Variants in NGLY1 observed in about 807,000 individuals in gnomAD.
NGLY1 encodes the protein N-glycanase 1.
A neutral mutation model predicts 84.6 loss-of-function variants in NGLY1; 68 were observed. The ratio of observed to expected loss-of-function variants is 0.80; its 90% confidence interval spans 0.66 to 0.98. The LOEUF (loss-of-function observed/expected upper bound fraction) is 0.98. Among genes scored for constraint, NGLY1 ranks in the 50% least tolerant of loss-of-function variants. NGLY1 has a pLI of 0.00. For missense variants in NGLY1, 779 were observed against 770.2 expected, an observed-to-expected ratio of 1.01 and a Z score of -0.14; for synonymous variants, 280 against 275.2, an observed-to-expected ratio of 1.02 and a Z score of -0.17.
intron 2 of NGLY1, among the ~76,000 whole-genome samples, chr3:25,773,631 CT>C (rs993685673): frequency 6.6e-5 from 10 of 152,020 alleles, no homozygotes; most frequent in Non-Finnish European, 2.9e-5. Context: ...GAGATTTCTT[CT>C]TGGTTTGGAT....
chr3:25,774,036 C>A (rs1708027647), intron 2 of NGLY1, among the ~76,000 whole-genome samples: 1 of 152,174 alleles, frequency 6.6e-6, no homozygotes, highest in Non-Finnish European at 1.5e-5. Context: ...GTGAAGTGGA[C>A]TCTGTGTGGG....
intron 3 of NGLY1, among the ~76,000 whole-genome samples, chr3:25,756,803 G>T (rs187247310): frequency 7.5e-4 from 114 of 152,176 alleles, no homozygotes; most frequent in African/African-American, 2.7e-3. Flanking sequence ...TCCTCTAAAA[G>T]GCCAACAAAG....
chr3:25,758,810 A>G (rs1472590489), intron 3 of NGLY1, among the ~76,000 whole-genome samples: 2 of 152,196 alleles, frequency 1.3e-5, no homozygotes, highest in Non-Finnish European at 2.9e-5. Context: ...AGATGCAACA[A>G]TGAGTACTGG....
At chr3:25,772,196 T>C (rs988192687) in intron 2 of NGLY1, among the ~76,000 whole-genome samples, 1 of 152,212 alleles carries the variant, frequency 6.6e-6, no homozygotes, top group African/African-American at 2.4e-5. Flanking sequence ...CCTTAAGGTA[T>C]GTCCCTTCTA....
chr3:25,758,907 A>G (rs1028458364), intron 3 of NGLY1, among the ~76,000 whole-genome samples: 4 of 152,200 alleles, frequency 2.6e-5, no homozygotes, highest in African/African-American at 9.7e-5. Context: ...TTAAAGGTAA[A>G]GCTCTTAAAC....
At chr3:25,721,314 C>T (rs1425316014) in intron 10 of NGLY1, among the ~76,000 whole-genome samples, 1 of 152,168 alleles carries the variant, frequency 6.6e-6, no homozygotes, top group Admixed American at 6.5e-5. Flanking sequence ...TCCTGAGTTG[C>T]TGAGATTGTA....
In NGLY1 at chr3:25,751,235, A is replaced by C. The variant is rs1306695269; in HGVS notation, c.521T>G (p.Val174Gly). ...CACATGCTGAATGTTGGACTGAAGA[A>C]CTTCTAGAATGGCTGAGTCAGCAGC... ...TVAADSAILE[V>G]LQSNIQHVLV... The change falls in exon 4 of 12, where the codon GTT becomes GGT. Residue 174 changes from valine (V) to glycine (G), a missense_variant. Val to Gly is a moderately radical substitution (Grantham distance 109, BLOSUM62 -3). Coordinates refer to ENST00000280700, the MANE Select transcript of NGLY1 (RefSeq NM_018297.4). 1 of 1,595,932 alleles carries C rather than the reference A, an allele frequency of 6.3e-7. No individual in the cohort carries two copies. Among genetic ancestry groups the C allele is most frequent in the African/African-American group, 1.3e-5 (1 of 74,248 alleles).
intron 3 of NGLY1, among the ~76,000 whole-genome samples, chr3:25,762,612 A>G (rs987725925): frequency 6.6e-6 from 1 of 152,168 alleles, no homozygotes; most frequent in African/African-American, 2.4e-5. Flanking sequence ...CTGGTGACGG[A>G]CAGGATTTTA....
At chr3:25,724,724 A>G (rs1233794684) in intron 10 of NGLY1, among the ~76,000 whole-genome samples, 1 of 152,022 alleles carries the variant, frequency 6.6e-6, no homozygotes, top group Non-Finnish European at 1.5e-5. Context: ...GCTTTTGAAG[A>G]CACTATTTCT....
intron 3 of NGLY1, 137 bp downstream of exon 3, chr3:25,763,929 T>C (rs1707431585): frequency 9.0e-7 from 1 of 1,115,942 alleles, no homozygotes; most frequent in Non-Finnish European, 1.3e-6. Flanking sequence ...TGAAGAAATT[T>C]GGATGTTTTA....
chr3:25,776,727 C>T (rs1708170972), intron 2 of NGLY1, among the ~76,000 whole-genome samples: 2 of 152,174 alleles, frequency 1.3e-5, no homozygotes, highest in Admixed American at 6.5e-5. Context: ...AGGTAAGTCC[C>T]CGATTCCTTC....
chr3:25,737,301 C>T, intron 6 of NGLY1, 33 bp downstream of exon 6: 2 of 1,554,696 alleles, frequency 1.3e-6, no homozygotes, highest in Non-Finnish European at 1.7e-6. Flanking sequence ...CCTGCAAAGC[C>T]CTACTACCCT....
intron 4 of NGLY1, chr3:25,749,473 C>T (rs1706612771): frequency 5.7e-6 from 8 of 1,415,840 alleles, no homozygotes; most frequent in African/African-American, 1.4e-5. Flanking sequence ...TGGCAGCCAT[C>T]TCCTCTTCGG....
Position 25,718,998 on chromosome 3 carries a change from A to G in NGLY1, c.*462T>C, listed in dbSNP as rs1559524986. ...AATGCCTGAATATTTATAATCATATAAATTTTCATGCATTATATAATTTAT... is the reference window on the plus strand; with the variant it reads ...AATGCCTGAATATTTATAATCATATGAATTTTCATGCATTATATAATTTAT... On this transcript the variant is annotated 3_prime_UTR_variant, in exon 12 of 12. Coordinates refer to ENST00000280700, the MANE Select transcript of NGLY1 (RefSeq NM_018297.4). 1 of 152,264 alleles carries G rather than the reference A, an allele frequency of 6.6e-6. No individual in the cohort carries two copies. Among genetic ancestry groups the G allele is most frequent in the East Asian group, 1.9e-4 (1 of 5,202 alleles). 9.4% of individuals were successfully genotyped at this position (152,264 alleles called of 1,614,324 possible).
intron 2 of NGLY1, among the ~76,000 whole-genome samples, chr3:25,768,140 T>C (rs1489663479): frequency 1.5e-5 from 2 of 132,174 alleles, no homozygotes; most frequent in East Asian, 4.7e-4. Flanking sequence ...AAAAAAAGAT[T>C]GGCCAGGTGT....
upstream of NGLY1, among the ~76,000 whole-genome samples, chr3:25,786,338 T>C (rs1708601142): frequency 6.7e-6 from 1 of 150,126 alleles, no homozygotes; most frequent in African/African-American, 2.5e-5. Flanking sequence ...AAAAAAAGAA[T>C]AGCGCCATGA....
intron 5 of NGLY1, 147 bp from the exon 6 acceptor site, chr3:25,737,602 G>T: frequency 1.4e-6 from 1 of 701,208 alleles, no homozygotes; most frequent in African/African-American, 1.8e-5. Context: ...GAGTGCAGTG[G>T]CGCAATCTCG....
chr3:25,765,743 AT>A (rs1198229272), intron 2 of NGLY1, among the ~76,000 whole-genome samples: 2 of 151,978 alleles, frequency 1.3e-5, no homozygotes, highest in African/African-American at 2.4e-5. Flanking sequence ...TGTGCTAGGC[AT>A]TTTTTTCTCT....
At chr3:25,773,061 T>C (rs1707975268) in intron 2 of NGLY1, among the ~76,000 whole-genome samples, 1 of 152,344 alleles carries the variant, frequency 6.6e-6, no homozygotes, top group African/African-American at 2.4e-5. Flanking sequence ...GCTTGTAAGA[T>C]TATTTCCTTT....
Sources: allele counts gnomAD v4.1 joint callset (sites outside exome capture counted in the v4.1 genomes callset), GRCh38; gene constraint gnomAD v4.1.1; transcripts MANE v1.5; gene names NCBI Gene and HGNC (gene_info 2026-07-23, HGNC 2026-07-21).